Variants in CTBP2 observed in about 807,000 individuals in gnomAD.
The protein encoded by CTBP2 is C-terminal binding protein 2.
CTBP2 carries 30 observed loss-of-function variants against 80.3 expected under a neutral mutation model. The ratio of observed to expected loss-of-function variants is 0.37; its 90% confidence interval spans 0.28 to 0.51. The LOEUF is 0.51. Among genes scored for constraint, CTBP2 ranks in the 20% least tolerant of loss-of-function variants. CTBP2 has a pLI of 0.93. For missense variants in CTBP2, 1,212 were observed against 1,375.3 expected (o/e 0.88, Z 1.88); for synonymous variants, 594 against 587.4 (o/e 1.01, Z -0.16).
chr10:125,085,034 G>A (rs1358829225), intron 2 of CTBP2, among the ~76,000 whole-genome samples: 4 of 152,102 alleles, frequency 2.6e-5, no homozygotes, highest in Admixed American at 6.5e-5. Flanking sequence ...AAGATGACCC[G>A]ACCTGGCGCA....
In CTBP2 at chr10:124,986,285, G is replaced by GCACACACACACACACACACA. The variant is rs1295268779; in HGVS notation, c.*3232_*3233insTGTGTGTGTGTGTGTGTGTG. 1.7e-5 allele frequency: 1 copy of GCACACACACACACACACACA among 57,794 alleles called. No individual in the cohort carries two copies. The highest frequency in any genetic ancestry group is 5.6e-5 in the African/African-American group (1 of 17,880). The allele number at this position is 57,794 out of a possible 1,614,324, so 3.6% of individuals were successfully genotyped here. On this transcript the variant is annotated 3_prime_UTR_variant, in exon 9 of 9. Transcript: ENST00000309035. ...TTGGAAAGACGACACACGCACGCGC[G>GCACACACACACACACACACA]CGCGCGCACACACACACACACACAC...
At chr10:124,995,885 CTTCCCCCGTTCCTGCA>C (rs1253098656) in intron 4 of CTBP2, among the ~76,000 whole-genome samples, 1 of 151,814 alleles carries the variant, frequency 6.6e-6, no homozygotes, top group Non-Finnish European at 1.5e-5. Flanking sequence ...CCCCGCCTGC[CTTCCCCCGTTCCTGCA>C]GCCTCCATCC....
intron 1 of CTBP2, among the ~76,000 whole-genome samples, chr10:125,128,196 C>T (rs576812051): frequency 9.2e-5 from 14 of 152,268 alleles, no homozygotes; most frequent in African/African-American, 3.4e-4. Context: ...CGGAAGCAAA[C>T]TAGGACAGCA....
chr10:125,138,952 T>C (rs987535777), intron 1 of CTBP2, among the ~76,000 whole-genome samples: 3 of 152,204 alleles, frequency 2.0e-5, no homozygotes, highest in Non-Finnish European at 4.4e-5. Context: ...CCTGGGAAAG[T>C]CACTGAGCTT....
At chr10:125,106,961 C>A (rs1356412552) in intron 2 of CTBP2, among the ~76,000 whole-genome samples, 1 of 152,218 alleles carries the variant, frequency 6.6e-6, no homozygotes, top group Non-Finnish European at 1.5e-5. Flanking sequence ...ACGGGGTGAT[C>A]TCTCCATCCC....
intron 1 of CTBP2, among the ~76,000 whole-genome samples, chr10:125,143,434 C>T (rs552765746): frequency 3.3e-5 from 5 of 152,170 alleles, no homozygotes; most frequent in African/African-American, 7.2e-5. Context: ...GCGGAGAACT[C>T]GCCACTGCAC....
At position 125,026,660 on chromosome 10, in the gene CTBP2, G is replaced by A. The variant is rs923247180; in HGVS notation, c.1100C>T (p.Ala367Val). Residue 367 changes from alanine to valine, a missense_variant, in exon 1 of 9, where the codon GCG (alanine) becomes GTG (valine). Physicochemically the swap from Ala to Val is moderately conservative, Grantham distance 64. Transcript: ENST00000309035. ...TCGGTGGCTGAAGCTGCTGGACCGC[G>A]CCCGGGGCAGCGGGCCCCCCCGGTC... The A allele has an allele frequency of 5.0e-6, 8 of 1,599,598 alleles. No homozygotes were observed. The highest frequency in any genetic ancestry group is 1.7e-5 in the Admixed American group (1 of 57,788).
intron 4 of CTBP2, chr10:124,997,739 C>G: frequency 6.8e-6 from 4 of 584,362 alleles, no homozygotes; most frequent in Non-Finnish European, 9.1e-6. Flanking sequence ...CTACAGACAG[C>G]AGTGGACACG....
upstream of CTBP2, among the ~76,000 whole-genome samples, chr10:125,029,324 C>A (rs2134748809): frequency 6.7e-6 from 1 of 148,640 alleles, no homozygotes; most frequent in East Asian, 2.0e-4. Context: ...TCACTGCAGT[C>A]TCCGCCTCCT....
At chr10:125,143,772 G>A (rs1858260722) in intron 1 of CTBP2, among the ~76,000 whole-genome samples, 1 of 152,246 alleles carries the variant, frequency 6.6e-6, no homozygotes, top group Middle Eastern at 3.4e-3. Flanking sequence ...AAAACAGATA[G>A]GTATTCTTCA....
At chr10:125,140,078 A>G (rs1291191339) in intron 1 of CTBP2, among the ~76,000 whole-genome samples, 1 of 152,116 alleles carries the variant, frequency 6.6e-6, no homozygotes, top group Non-Finnish European at 1.5e-5. Flanking sequence ...CATGTACCCA[A>G]GTGTCCTCAC....
At chr10:125,085,207 T>C (rs542228234) in intron 2 of CTBP2, among the ~76,000 whole-genome samples, 1 of 152,340 alleles carries the variant, frequency 6.6e-6, no homozygotes, top group South Asian at 2.1e-4. Flanking sequence ...AAGAGTTTTA[T>C]TTTGGTGGCT....
rs185783916 is a variant in CTBP2, at chr10:125,125,006, T to C, written c.-205-13913A>G. Among the ~76,000 whole-genome samples the C allele has an allele frequency of 4.6e-5, 7 of 152,278 alleles. No individual in the cohort carries two copies. In the East Asian group the frequency reaches 9.6e-4, roughly 21 times the overall value. On this transcript the variant is annotated intron_variant, in intron 1 of 10. Transcript: ENST00000337195. ...TGTACAGACGCACGGCACTCAGATG[T>C]GTTTCTCCCCAGTGTAACTTGGGAG...
chr10:124,996,052 T>TTG (rs1953487641), intron 4 of CTBP2: 1 of 137,844 alleles, frequency 7.3e-6, no homozygotes, highest in East Asian at 2.0e-4. Flanking sequence ...TTCTTTGTTT[T>TTG]TTTTTTTTTT....
rs763263854 is a variant in CTBP2 at position 125,157,806 on chromosome 10, G to C, written c.-206+2513C>G. On this transcript the variant is annotated intron_variant, in intron 1 of 10. Transcript: ENST00000337195. The stretch of plus-strand genomic sequence containing the variant: ...CTAACATCCAACTTCAATGGCAACT[G>C]TAAGCATATTTTGCAAGAAAGAGGG... 5.9e-5 allele frequency among the ~76,000 whole-genome samples: 9 copies of C among 152,320 alleles called. No homozygotes were observed. The South Asian group carries it at 1.0e-3, about 18-fold the overall frequency.
intron 1 of CTBP2, among the ~76,000 whole-genome samples, chr10:125,009,456 G>C (rs568967091): frequency 6.6e-6 from 1 of 152,300 alleles, no homozygotes; most frequent in South Asian, 2.1e-4. Context: ...GGCCCCGCCT[G>C]CCTCCAAGGA....
chr10:125,088,719 C>T (rs563762393), intron 2 of CTBP2, among the ~76,000 whole-genome samples: 84 of 152,276 alleles, frequency 5.5e-4, no homozygotes, highest in African/African-American at 1.9e-3. Flanking sequence ...CTACTCAACG[C>T]CTAACAATTG....
Position 125,012,272 on chromosome 10 carries a change from G to A in CTBP2, c.1679-8780C>T, listed in dbSNP as rs531865911. On this transcript the variant is annotated intron_variant, in intron 1 of 8. Coordinates refer to ENST00000309035, the MANE Select transcript of CTBP2 (RefSeq NM_022802.3). ...AGAAGCCGGAGCAACATCCAAGCCT[G>A]AGGAGCAAGGAATAAGGATTGTGGC... Among the ~76,000 whole-genome samples the A allele has an allele frequency of 1.3e-3, 199 of 152,314 alleles. 1 individual carries two copies. In the South Asian group the frequency reaches 0.017, roughly 13 times the overall value.
At position 125,066,047 on chromosome 10, in the gene CTBP2, G is replaced by T. The variant is rs958978909; in HGVS notation, c.-101-26892C>A. On this transcript the variant is annotated intron_variant, in intron 2 of 10. Transcript: ENST00000337195. This position sits in a 1 kb window ranked among gnomAD's most constrained non-coding sequence, Gnocchi z 4.1. ...GCCCAGAAGGCAGAGGTTACAGTGAGCCCTGATTGTGCCATGGCACTCTAG... is the reference window on the plus strand; with the variant it reads ...GCCCAGAAGGCAGAGGTTACAGTGATCCCTGATTGTGCCATGGCACTCTAG... 1.3e-5 allele frequency among the ~76,000 whole-genome samples: 2 copies of T among 150,106 alleles called. No homozygotes were observed. The highest frequency in any genetic ancestry group is 1.3e-4 in the Admixed American group (2 of 15,088).
Sources: allele counts gnomAD v4.1 joint callset (sites outside exome capture counted in the v4.1 genomes callset), GRCh38; gene constraint gnomAD v4.1.1; non-coding constraint Gnocchi (gnomAD v3.1); transcripts MANE v1.5; gene names NCBI Gene and HGNC (gene_info 2026-07-23, HGNC 2026-07-21).